SLC39A11: variants seen among roughly 807,000 people sequenced by gnomAD.
The protein encoded by SLC39A11 is zinc transporter ZIP11.
In SLC39A11, 33 loss-of-function variants were observed where a neutral mutation model predicts 36.1. The ratio of observed to expected loss-of-function variants is 0.91; its 90% confidence interval spans 0.69 to 1.22. The LOEUF is 1.22. Ranked by LOEUF, SLC39A11 falls within the 50% of genes most tolerant of loss-of-function variation. The pLI is 0.00. For missense variants in SLC39A11, 432 were observed against 430.3 expected (o/e 1.00, Z -0.03); for synonymous variants, 166 against 170.3 (o/e 0.97, Z 0.20).
chr17:72,723,074 C>T (rs1043382613), intron 7 of SLC39A11, among the ~76,000 whole-genome samples: 4 of 152,114 alleles, frequency 2.6e-5, no homozygotes, highest in Non-Finnish European at 4.4e-5. Context: ...ATTTGGGGGA[C>T]GTCTTCATTG....
rs1239191168 is a variant in SLC39A11 at position 72,849,496 on chromosome 17, T to G, written c.601+138A>C. The G allele has an allele frequency of 4.9e-6, 4 of 812,254 alleles. No individual in the cohort carries two copies. In the Admixed American group the frequency reaches 1.2e-4, roughly 25 times the overall value. The allele number at this position is 812,254 out of a possible 1,614,324, so 50.3% of individuals were successfully genotyped here. A position where few individuals can be genotyped will look rare whatever the true frequency, so the allele number is the denominator to read the frequency against. ...GATCAAAAAATAAAGCCAAGAAAGA[T>G]TTGTACTGCCACCTTCACTCCTCTC... On this transcript the variant is annotated intron_variant, in intron 6 of 9. Transcript: ENST00000255559.
chr17:72,691,520 C>T (rs77070218), intron 7 of SLC39A11, among the ~76,000 whole-genome samples: 1,746 of 152,306 alleles, frequency 0.011, 10 homozygotes, highest in Non-Finnish European at 0.017. Flanking sequence ...TAAGAGTTGA[C>T]GGTTTCGTCC....
chr17:73,048,779 G>C (rs567612497), intron 3 of SLC39A11, among the ~76,000 whole-genome samples: 1 of 152,306 alleles, frequency 6.6e-6, no homozygotes, highest in African/African-American at 2.4e-5. Flanking sequence ...TACTACGTAT[G>C]TTTATTATGT....
At chr17:72,991,317 T>G (rs911609668) in intron 4 of SLC39A11, among the ~76,000 whole-genome samples, 10 of 152,290 alleles carry the variant, frequency 6.6e-5, no homozygotes, top group African/African-American at 2.4e-4. Flanking sequence ...AGTATTTTAC[T>G]GTATGTAGCA....
At chr17:72,832,747 G>C (rs2078341146) in intron 6 of SLC39A11, among the ~76,000 whole-genome samples, 2 of 152,202 alleles carry the variant, frequency 1.3e-5, no homozygotes, top group Non-Finnish European at 1.5e-5. Flanking sequence ...GCTATCAAGG[G>C]AATGGAGACA....
rs58702930 is a variant in SLC39A11, at chr17:72,905,172, C to CAAAAAAAAAAA, written c.430+42569_430+42579dup. On this transcript the variant is annotated intron_variant, in intron 5 of 9. Transcript: ENST00000255559. ...TGGGCAACACAGCGAGACTCCATCTCAAAAAAAAAAAAAAAAAAAAAAAAA... is the reference window on the plus strand; with the variant it reads ...TGGGCAACACAGCGAGACTCCATCTCAAAAAAAAAAAAAAAAAAAAAAAAAAAAAAAAAAAA... Among the ~76,000 whole-genome samples, 67 of 42,910 alleles carry CAAAAAAAAAAA rather than the reference C, an allele frequency of 1.6e-3. 9 individuals carry two copies. Among genetic ancestry groups the CAAAAAAAAAAA allele is most frequent in the African/African-American group, 4.6e-3 (51 of 10,974 alleles). The allele number at this position is 42,910 out of a possible 152,430, so 28.2% of individuals were successfully genotyped here.
chr17:72,998,890 G>A (rs1320376441), intron 4 of SLC39A11, among the ~76,000 whole-genome samples: 1 of 152,250 alleles, frequency 6.6e-6, no homozygotes, highest in Non-Finnish European at 1.5e-5. Flanking sequence ...CGCAGCCACA[G>A]AGGTGGGGTC....
intron 7 of SLC39A11, among the ~76,000 whole-genome samples, chr17:72,730,153 T>C (rs1263774352): frequency 2.0e-5 from 3 of 152,200 alleles, no homozygotes; most frequent in African/African-American, 7.2e-5. Flanking sequence ...AATATCTGCG[T>C]CATCTACAAG....
chr17:72,775,220 C>T (rs2076093038), intron 6 of SLC39A11, among the ~76,000 whole-genome samples: 1 of 152,142 alleles, frequency 6.6e-6, no homozygotes, highest in South Asian at 2.1e-4. Context: ...AAGCCTAGAG[C>T]ACCACTGAGG....
At chr17:73,019,801 C>T (rs935216072) in intron 4 of SLC39A11, among the ~76,000 whole-genome samples, 3 of 152,042 alleles carry the variant, frequency 2.0e-5, no homozygotes, top group African/African-American at 7.2e-5. Flanking sequence ...TATAAATTGA[C>T]TGAACATTCC....
At chr17:73,007,555 G>A (rs187632688) in intron 4 of SLC39A11, among the ~76,000 whole-genome samples, 15 of 152,328 alleles carry the variant, frequency 9.8e-5, no homozygotes, top group Admixed American at 9.8e-4. Flanking sequence ...GTGGTTCCTG[G>A]CAGAGGGAGA....
At chr17:72,824,148 G>A (rs991325375) in intron 6 of SLC39A11, among the ~76,000 whole-genome samples, 5 of 151,234 alleles carry the variant, frequency 3.3e-5, no homozygotes, top group Non-Finnish European at 5.9e-5. Context: ...GAGGGGCCCG[G>A]TGGGAGGTGA....
intron 3 of SLC39A11, among the ~76,000 whole-genome samples, chr17:73,054,887 C>A (rs371006036): frequency 1.3e-5 from 2 of 151,332 alleles, no homozygotes; most frequent in African/African-American, 4.9e-5. Flanking sequence ...TCAATCCCAT[C>A]GTGGAGGGGG....
At chr17:72,685,122 C>T (rs1400799222) in intron 7 of SLC39A11, among the ~76,000 whole-genome samples, 2 of 151,818 alleles carry the variant, frequency 1.3e-5, no homozygotes, top group African/African-American at 4.8e-5. Flanking sequence ...ATGCCAAGGC[C>T]CAAATTGGGT....
At chr17:72,700,871 G>T (rs954816692) in intron 7 of SLC39A11, among the ~76,000 whole-genome samples, 1 of 152,210 alleles carries the variant, frequency 6.6e-6, no homozygotes, top group African/African-American at 2.4e-5. Flanking sequence ...CATGAGAACA[G>T]CATATGGGAA....
chr17:72,716,223 T>G (rs1212370362), intron 7 of SLC39A11, among the ~76,000 whole-genome samples: 1 of 152,060 alleles, frequency 6.6e-6, no homozygotes, highest in Non-Finnish European at 1.5e-5. Context: ...CACTCCATTC[T>G]GGACAGAATG....
At chr17:72,841,191 C>T (rs1435540802) in intron 6 of SLC39A11, among the ~76,000 whole-genome samples, 1 of 152,208 alleles carries the variant, frequency 6.6e-6, no homozygotes, top group African/African-American at 2.4e-5. Context: ...ATCAAAGCTT[C>T]AGTATGTGTT....
chr17:72,958,204 C>T (rs1030845326), intron 4 of SLC39A11, among the ~76,000 whole-genome samples: 2 of 152,256 alleles, frequency 1.3e-5, no homozygotes, highest in Middle Eastern at 3.4e-3. Flanking sequence ...TCACCTTATA[C>T]AAAAATCAAC....
rs190714022 is a variant in SLC39A11 at position 73,045,122 on chromosome 17, T to C, written c.148-13408A>G. Among the ~76,000 whole-genome samples, 79 of 152,130 alleles carry C rather than the reference T, an allele frequency of 5.2e-4. No individual in the cohort carries two copies. In the East Asian group the frequency reaches 7.9e-3, roughly 15 times the overall value. On this transcript the variant is annotated intron_variant, in intron 3 of 9. Coordinates refer to ENST00000255559, the MANE Select transcript of SLC39A11 (RefSeq NM_139177.4). Reference sequence around the variant, plus strand: ...GGGGTCTATCCTAAAATGGCCTCTCTGGGGTAGCCTTGGGTACAGTCACTA... The same window carrying C: ...GGGGTCTATCCTAAAATGGCCTCTCCGGGGTAGCCTTGGGTACAGTCACTA...
Sources: allele counts gnomAD v4.1 joint callset (sites outside exome capture counted in the v4.1 genomes callset), GRCh38; gene constraint gnomAD v4.1.1; transcripts MANE v1.5; gene names NCBI Gene and HGNC (gene_info 2026-07-23, HGNC 2026-07-21).